ABR: variants seen among roughly 807,000 people sequenced by gnomAD.
ABR encodes ABR activator of RhoGEF and GTPase.
A neutral mutation model predicts 107.2 loss-of-function variants in ABR; 35 were observed. That is an observed-to-expected ratio of 0.33 (90% CI 0.25 to 0.43). The LOEUF is 0.43. ABR is among the 20% of genes least tolerant of loss of function. The probability of loss-of-function intolerance (pLI) is 1.00; values close to 1 mark genes in which losing one functional copy is unlikely to be tolerated. For missense variants in ABR, 815 were observed against 1,115.2 expected (o/e 0.73, Z 3.83); for synonymous variants, 498 against 462.0 (o/e 1.08, Z -1.00).
At chr17:1,214,930 T>C (rs1390859584) in intron 1 of ABR, among the ~76,000 whole-genome samples, 1 of 151,634 alleles carries the variant, frequency 6.6e-6, no homozygotes, top group Non-Finnish European at 1.5e-5. Flanking sequence ...CAAAAAAGTA[T>C]TGCTCTTGAC....
At chr17:1,026,663 C>G (rs561636891) in intron 16 of ABR, among the ~76,000 whole-genome samples, 2 of 152,302 alleles carry the variant, frequency 1.3e-5, no homozygotes, top group African/African-American at 4.8e-5. Context: ...CGTTTCTCCC[C>G]AGGGTGGGGC....
At chr17:1,041,148 G>A (rs1053569210) in intron 16 of ABR, among the ~76,000 whole-genome samples, 1 of 151,894 alleles carries the variant, frequency 6.6e-6, no homozygotes, top group Non-Finnish European at 1.5e-5. Context: ...TCGAACTCCT[G>A]ACCTCATGAT....
intron 1 of ABR, among the ~76,000 whole-genome samples, chr17:1,209,287 T>C (rs1318541832): frequency 2.0e-5 from 3 of 149,356 alleles, no homozygotes; most frequent in African/African-American, 4.9e-5. Flanking sequence ...GTTTCTTTCT[T>C]TTTTTTTTTG....
intron 1 of ABR, among the ~76,000 whole-genome samples, chr17:1,167,346 A>G (rs144148208): frequency 2.0e-5 from 3 of 146,404 alleles, no homozygotes; most frequent in South Asian, 2.2e-4. Context: ...AGCCACCCCC[A>G]ACTCCAACCA....
intron 1 of ABR, among the ~76,000 whole-genome samples, chr17:1,198,913 G>T (rs1005731053): frequency 2.0e-5 from 3 of 149,504 alleles, no homozygotes; most frequent in African/African-American, 7.5e-5. Flanking sequence ...GATTACAGGC[G>T]TGAGCTACCG....
chr17:1,014,977 A>G (rs1484941339), intron 16 of ABR, among the ~76,000 whole-genome samples: 1 of 152,210 alleles, frequency 6.6e-6, no homozygotes, highest in East Asian at 1.9e-4. Flanking sequence ...TTATATTTTT[A>G]TATTTTCAAG....
rs1157854777 is a variant in ABR, at chr17:1,179,979, A to C, written c.-252T>G. ...CCAGCTGCGGATCCCGGAACCGATGAGCAACTTCGCGGGGGGCGGGGCGGG... is the reference window on the plus strand; with the variant it reads ...CCAGCTGCGGATCCCGGAACCGATGCGCAACTTCGCGGGGGGCGGGGCGGG... On this transcript the variant is annotated 5_prime_UTR_variant, in exon 1 of 23. Transcript: ENST00000302538. The surrounding 1 kb of genome is among the most constrained non-coding windows in gnomAD (Gnocchi z 4.9). 2 of 141,920 alleles carry C rather than the reference A, an allele frequency of 1.4e-5. No individual in the cohort carries two copies. Among genetic ancestry groups the C allele is most frequent in the East Asian group, 2.0e-4 (1 of 4,982 alleles). The allele number at this position is 141,920 out of a possible 1,614,324, so 8.8% of individuals were successfully genotyped here.
At chr17:1,058,118 C>T in intron 11 of ABR, 73 bp from the exon 12 acceptor site, 3 of 857,198 alleles carry the variant, frequency 3.5e-6, no homozygotes, top group Non-Finnish European at 5.6e-6. Flanking sequence ...CTGGGGACCC[C>T]AACAAAGCTC....
At chr17:1,215,592 C>A (rs1203928357) in intron 1 of ABR, among the ~76,000 whole-genome samples, 1 of 152,138 alleles carries the variant, frequency 6.6e-6, no homozygotes, top group East Asian at 1.9e-4. Context: ...CTCACTATAA[C>A]CTCCACCTCC....
Position 1,079,788 on chromosome 17 carries a change from CAAAAAAAAAAAAAAAAAAAAAAAAAAAA to C in ABR, c.640-426_640-399del, listed in dbSNP as rs57412625. Among the ~76,000 whole-genome samples the C allele has an allele frequency of 3.6e-5, 2 of 55,106 alleles. 1 individual carries two copies. The highest frequency in any genetic ancestry group is 7.3e-5 in the Non-Finnish European group (2 of 27,414). The allele number at this position is 55,106 out of a possible 152,430, so 36.2% of individuals were successfully genotyped here. ...TGGGCAACAGGGCGAGACTCTGTCT[CAAAAAAAAAAAAAAAAAAAAAAAAAAAA>C]AAAAAAAAAAAGAAAGACAAAGGAG... On this transcript the variant is annotated intron_variant, in intron 5 of 22. Coordinates refer to ENST00000302538, the MANE Select transcript of ABR (RefSeq NM_021962.5).
intron 16 of ABR, among the ~76,000 whole-genome samples, chr17:1,019,545 A>G (rs1270981413): frequency 6.6e-6 from 1 of 151,820 alleles, no homozygotes; most frequent in Non-Finnish European, 1.5e-5. Context: ...GCCTGGCCCC[A>G]CGGTGCCCTG....
chr17:1,051,802 G>T lies in ABR; in HGVS notation c.1562-1168C>A, dbSNP rs35379118. Among the ~76,000 whole-genome samples the T allele has an allele frequency of 6.6e-6, 1 of 152,182 alleles. No homozygotes were observed. The highest frequency in any genetic ancestry group is 2.1e-4 in the South Asian group (1 of 4,832). ...AGAACAGCTTTCCTGGCCGGGCAAG[G>T]TGGCTCACGCCTGTAAATCCCAGCA... On this transcript the variant is annotated intron_variant, in intron 14 of 22. Coordinates refer to ENST00000302538, the MANE Select transcript of ABR (RefSeq NM_021962.5). The surrounding 1 kb of genome is among the most constrained non-coding windows in gnomAD (Gnocchi z 4.3).
intron 2 of ABR, among the ~76,000 whole-genome samples, chr17:1,118,422 C>T (rs112054734): frequency 1.7e-4 from 3 of 18,142 alleles, no homozygotes; most frequent in Admixed American, 1.2e-3. Flanking sequence ...GAGCCTGAGT[C>T]CTCCCAGCGT....
chr17:1,144,270 G>A (rs73975654), intron 1 of ABR, among the ~76,000 whole-genome samples: 2,209 of 152,202 alleles, frequency 0.015, 58 homozygotes, highest in African/African-American at 0.05. Flanking sequence ...GCATGTGTAC[G>A]CAAGCAACAG....
chr17:1,073,326 A>T (rs2035408067), intron 7 of ABR, among the ~76,000 whole-genome samples: 1 of 151,976 alleles, frequency 6.6e-6, no homozygotes, highest in Admixed American at 6.5e-5. Flanking sequence ...TGGGAGAGAA[A>T]CCCTGTGTCT....
In ABR at chr17:1,130,565, G is replaced by A. The variant is rs532856153; in HGVS notation, c.62-5198C>T. ...TCCTATTCTCCTGCCCTGTGACATC[G>A]GACTCCTTCTAGCTCCCTGCGGTGG... On this transcript the variant is annotated intron_variant, in intron 1 of 22. Transcript: ENST00000302538. Among the ~76,000 whole-genome samples the A allele has an allele frequency of 3.9e-5, 6 of 152,206 alleles. No individual in the cohort carries two copies. The East Asian group carries it at 9.7e-4, about 24-fold the overall frequency.
intron 1 of ABR, among the ~76,000 whole-genome samples, chr17:1,133,041 G>A (rs370317220): frequency 1.3e-5 from 2 of 152,048 alleles, no homozygotes; most frequent in Non-Finnish European, 2.9e-5. Flanking sequence ...TCAGGAGTTC[G>A]AGACCAGGCT....
exon 1 of ABR, among the ~76,000 whole-genome samples, chr17:1,229,664 C>G (rs570848628): frequency 6.6e-6 from 1 of 152,150 alleles, no homozygotes; most frequent in South Asian, 2.1e-4. Context: ...CCCTTCCCCG[C>G]GGCCCCCGAA....
upstream of ABR, among the ~76,000 whole-genome samples, chr17:1,181,359 C>T (rs541252561): frequency 5.9e-5 from 9 of 152,278 alleles, no homozygotes; most frequent in Non-Finnish European, 1.0e-4. Flanking sequence ...CCCTGGGAGA[C>T]GCACAGGATG....
Sources: allele counts gnomAD v4.1 joint callset (sites outside exome capture counted in the v4.1 genomes callset), GRCh38; gene constraint gnomAD v4.1.1; non-coding constraint Gnocchi (gnomAD v3.1); transcripts MANE v1.5; gene names NCBI Gene and HGNC (gene_info 2026-07-23, HGNC 2026-07-21).